CYP7B1: variants seen among roughly 807,000 people sequenced by gnomAD.
CYP7B1 encodes cytochrome P450 family 7 subfamily B member 1.
In CYP7B1, 29 loss-of-function variants were observed where a neutral mutation model predicts 42.7. The observed-to-expected ratio is 0.68, with a 90% CI of 0.51 to 0.93. The LOEUF is 0.93. CYP7B1 is among the 40% of genes least tolerant of loss of function. CYP7B1 has a pLI of 0.00. For missense variants in CYP7B1, 655 were observed against 600.5 expected, an observed-to-expected ratio of 1.09 and a Z score of -0.95; for synonymous variants, 235 against 218.2, an observed-to-expected ratio of 1.08 and a Z score of -0.68.
intron 4 of CYP7B1, among the ~76,000 whole-genome samples, chr8:64,608,798 A>C (rs1039922722): frequency 6.6e-6 from 1 of 152,234 alleles, no homozygotes; most frequent in Non-Finnish European, 1.5e-5. Context: ...TGATAATCAT[A>C]TAATTTGAGG....
chr8:64,640,748 C>G (rs1805840455), intron 1 of CYP7B1, among the ~76,000 whole-genome samples: 1 of 152,130 alleles, frequency 6.6e-6, no homozygotes, highest in Admixed American at 6.6e-5. Flanking sequence ...ACCAGGTCTC[C>G]TAACTCACAA....
chr8:64,671,577 T>C (rs191653990), intron 1 of CYP7B1, among the ~76,000 whole-genome samples: 31 of 152,184 alleles, frequency 2.0e-4, no homozygotes, highest in African/African-American at 6.3e-4. Flanking sequence ...TCCTGAGAAA[T>C]AGAAAATCTG....
chr8:64,657,064 A>C (rs1027428197), intron 1 of CYP7B1, among the ~76,000 whole-genome samples: 16 of 152,200 alleles, frequency 1.1e-4, no homozygotes, highest in Admixed American at 2.0e-4. Context: ...TTATTAAAAA[A>C]AAAAGCAGTG....
intron 1 of CYP7B1, among the ~76,000 whole-genome samples, chr8:64,643,192 T>TACAC (rs896274314): frequency 1.5e-4 from 17 of 115,208 alleles, no homozygotes; most frequent in South Asian, 1.1e-3. Flanking sequence ...CATATATATA[T>TACAC]ACACACACAC....
chr8:64,748,551 C>T (rs1002077032), intron 1 of CYP7B1, among the ~76,000 whole-genome samples: 4 of 152,204 alleles, frequency 2.6e-5, no homozygotes, highest in East Asian at 3.8e-4. Context: ...AAATTCTCTG[C>T]TGCTTAGCCT....
intron 5 of CYP7B1, 92 bp downstream of exon 5, chr8:64,604,590 G>GA: frequency 1.3e-6 from 2 of 1,485,708 alleles, no homozygotes; most frequent in Non-Finnish European, 1.9e-6. Flanking sequence ...ACCCCTTCTG[G>GA]ACCAAAGTGG....
At chr8:64,632,267 A>G (rs1374806386) in intron 1 of CYP7B1, among the ~76,000 whole-genome samples, 1 of 152,166 alleles carries the variant, frequency 6.6e-6, no homozygotes, top group Non-Finnish European at 1.5e-5. Context: ...TGCAATATGA[A>G]GCAACACAGA....
chr8:64,680,125 A>C (rs1806513490), intron 1 of CYP7B1, among the ~76,000 whole-genome samples: 1 of 151,920 alleles, frequency 6.6e-6, no homozygotes, highest in Non-Finnish European at 1.5e-5. Flanking sequence ...TGACTATTGT[A>C]GATTCTACCT....
intron 1 of CYP7B1, among the ~76,000 whole-genome samples, chr8:64,627,129 T>C (rs1291942087): frequency 6.6e-6 from 1 of 152,236 alleles, no homozygotes; most frequent in Non-Finnish European, 1.5e-5. Context: ...TATACTGTTG[T>C]TTAAATGCAC....
At chr8:64,768,415 C>T (rs551974052) in intron 1 of CYP7B1, among the ~76,000 whole-genome samples, 22 of 151,248 alleles carry the variant, frequency 1.5e-4, no homozygotes, top group Admixed American at 2.0e-4. Context: ...TAGTAATTTG[C>T]TCTTCTGATG....
chr8:64,728,717 C>T (rs1807360251), intron 1 of CYP7B1, among the ~76,000 whole-genome samples: 1 of 152,020 alleles, frequency 6.6e-6, no homozygotes. Context: ...AAGAAAAACT[C>T]AAGAGAATTA....
chr8:64,686,086 C>A (rs1456424525), intron 1 of CYP7B1, among the ~76,000 whole-genome samples: 821 of 107,144 alleles, frequency 7.7e-3, no homozygotes, highest in Non-Finnish European at 9.1e-3. Flanking sequence ...CCAGCCGCCC[C>A]GTCCGGGAGG....
rs1200242796 is a variant in CYP7B1, at chr8:64,593,577, G to A, written c.*3065C>T. 6.6e-6 allele frequency among the ~76,000 whole-genome samples: 1 copy of A among 152,060 alleles called. No individual in the cohort carries two copies. The highest frequency in any genetic ancestry group is 1.5e-5 in the Non-Finnish European group (1 of 68,020). On this transcript the variant is annotated 3_prime_UTR_variant, in exon 6 of 6. Coordinates refer to ENST00000310193, the MANE Select transcript of CYP7B1 (RefSeq NM_004820.5). Reference sequence around the variant, plus strand: ...GAAATTTTAAGGTGATCTGAGTTTGGTAGTAGTATCAGCAGTCTGAAAAAT... The same window carrying A: ...GAAATTTTAAGGTGATCTGAGTTTGATAGTAGTATCAGCAGTCTGAAAAAT...
At position 64,745,623 on chromosome 8, in the gene CYP7B1, G is replaced by A. The variant is rs537399006; in HGVS notation, c.122+52843C>T. Among the ~76,000 whole-genome samples, 13 of 152,142 alleles carry A rather than the reference G, an allele frequency of 8.5e-5. No homozygotes were observed. In the East Asian group the frequency reaches 1.9e-3, roughly 23 times the overall value. On this transcript the variant is annotated intron_variant, in intron 1 of 5. Transcript: ENST00000310193. The stretch of plus-strand genomic sequence containing the variant: ...AGTCCCCTTAAACTGCAGTTCAATC[G>A]GGTATAATCATTTTTCCTCCCCCAG...
At chr8:64,622,053 T>C (rs1805539039) in intron 2 of CYP7B1, among the ~76,000 whole-genome samples, 1 of 152,212 alleles carries the variant, frequency 6.6e-6, no homozygotes, top group Non-Finnish European at 1.5e-5. Flanking sequence ...TGTCTGTCCA[T>C]GGGAGAACTC....
rs533697396 is a variant in CYP7B1 at position 64,673,817 on chromosome 8, T to C, written c.123-49278A>G. ...TAATCAGAGTACATGGAATAGAGTTTCTCAGCAAATGTAACCATTGCCGCA... is the reference window on the plus strand; with the variant it reads ...TAATCAGAGTACATGGAATAGAGTTCCTCAGCAAATGTAACCATTGCCGCA... On this transcript the variant is annotated intron_variant, in intron 1 of 5. Coordinates refer to ENST00000310193, the MANE Select transcript of CYP7B1 (RefSeq NM_004820.5). Among the ~76,000 whole-genome samples, 5 of 152,244 alleles carry C rather than the reference T, an allele frequency of 3.3e-5. No homozygotes were observed. The South Asian group carries it at 1.0e-3, about 32-fold the overall frequency.
chr8:64,635,070 AGT>A (rs1805750517), intron 1 of CYP7B1, among the ~76,000 whole-genome samples: 2 of 152,234 alleles, frequency 1.3e-5, no homozygotes, highest in Non-Finnish European at 2.9e-5. Flanking sequence ...CACAGCACAC[AGT>A]GTCTACTTCC....
At chr8:64,650,508 C>G (rs1806022449) in intron 1 of CYP7B1, among the ~76,000 whole-genome samples, 1 of 151,988 alleles carries the variant, frequency 6.6e-6, no homozygotes, top group Admixed American at 6.6e-5. Context: ...ATTAGCTGGG[C>G]ATGGTGGCAT....
chr8:64,642,172 GT>G (rs1333393525), intron 1 of CYP7B1, among the ~76,000 whole-genome samples: 2 of 152,004 alleles, frequency 1.3e-5, no homozygotes, highest in Non-Finnish European at 2.9e-5. Context: ...ACATATGCAT[GT>G]ATAGATATAT....
Sources: gnomAD v4.1 joint callset for allele counts (sites outside exome capture counted in the v4.1 genomes callset) on GRCh38, gnomAD v4.1.1 for gene constraint, MANE v1.5 for transcripts, NCBI Gene and HGNC (gene_info 2026-07-23, HGNC 2026-07-21) for gene names.